Variants in FGD4 observed in about 807,000 individuals in gnomAD.
FGD4 encodes the protein FYVE, RhoGEF and PH domain-containing protein 4.
Under a neutral mutation model 102.0 loss-of-function variants are expected in FGD4, and 42 were observed. The ratio of observed to expected loss-of-function variants is 0.41; its 90% CI spans 0.32 to 0.53. The LOEUF (loss-of-function observed/expected upper bound fraction) is 0.53. Ranked by LOEUF, FGD4 falls within the 20% of genes least tolerant of loss-of-function variation. The pLI is 0.21. For missense variants in FGD4, 902 were observed against 1,078.2 expected (o/e 0.84, Z 2.29); for synonymous variants, 380 against 375.7 (o/e 1.01, Z -0.13).
intron 1 of FGD4, among the ~76,000 whole-genome samples, chr12:32,416,998 G>A (rs1047340689): frequency 5.9e-5 from 9 of 151,816 alleles, no homozygotes; most frequent in African/African-American, 1.9e-4. Flanking sequence ...CTGGGTTCAA[G>A]CAATTCTCCT....
chr12:32,494,644 A>G (rs542643847), intron 1 of FGD4, among the ~76,000 whole-genome samples: 2 of 152,356 alleles, frequency 1.3e-5, no homozygotes, highest in South Asian at 2.1e-4. Context: ...ACAGCAGGAC[A>G]CAGAGTTGCT....
intron 14 of FGD4, among the ~76,000 whole-genome samples, chr12:32,633,221 GA>G (rs1365380986): frequency 5.5e-5 from 6 of 108,118 alleles, no homozygotes; most frequent in South Asian, 3.3e-4. Flanking sequence ...GGGTTGGGAG[GA>G]GGGGGTGGGA....
intron 1 of FGD4, among the ~76,000 whole-genome samples, chr12:32,496,592 T>A (rs1052435480): frequency 6.6e-6 from 1 of 152,260 alleles, no homozygotes; most frequent in Non-Finnish European, 1.5e-5. Context: ...TTGTTTATTA[T>A]TAGCCCTTTT....
At chr12:32,541,492 A>C (rs1415998929) in intron 1 of FGD4, among the ~76,000 whole-genome samples, 21 of 151,994 alleles carry the variant, frequency 1.4e-4, no homozygotes, top group Admixed American at 1.3e-3. Flanking sequence ...CAGCCTCCTG[A>C]GTAGCTGGGA....
At chr12:32,482,978 G>A (rs1943804644) in intron 1 of FGD4, among the ~76,000 whole-genome samples, 1 of 152,162 alleles carries the variant, frequency 6.6e-6, no homozygotes, top group African/African-American at 2.4e-5. Context: ...TTGTTATGAG[G>A]AGAGCACATA....
intron 2 of FGD4, among the ~76,000 whole-genome samples, chr12:32,567,378 C>G (rs139153514): frequency 2.2e-3 from 335 of 152,264 alleles, no homozygotes; most frequent in African/African-American, 7.7e-3. Context: ...GTGAGTAGTT[C>G]TCAAGCGGAG....
intron 1 of FGD4, among the ~76,000 whole-genome samples, chr12:32,499,814 G>A (rs188863171): frequency 2.6e-5 from 4 of 152,204 alleles, no homozygotes; most frequent in East Asian, 3.9e-4. Context: ...TCAGGAGTTC[G>A]AGACCACCTC....
intron 1 of FGD4, among the ~76,000 whole-genome samples, chr12:32,489,173 G>A (rs891335021): frequency 2.6e-5 from 4 of 151,980 alleles, no homozygotes; most frequent in Admixed American, 6.6e-5. Flanking sequence ...TCTTCAGTGC[G>A]TGCCTGTAGT....
intron 10 of FGD4, among the ~76,000 whole-genome samples, chr12:32,612,100 T>C (rs1231830674): frequency 6.6e-6 from 1 of 152,234 alleles, no homozygotes; most frequent in African/African-American, 2.4e-5. Context: ...TTCCAGACTT[T>C]GGTGCCAATG....
chr12:32,418,756 A>G (rs1282165842), intron 1 of FGD4, among the ~76,000 whole-genome samples: 1 of 152,174 alleles, frequency 6.6e-6, no homozygotes, highest in African/African-American at 2.4e-5. Flanking sequence ...CTCTGCAGTC[A>G]GCAGGTGGCA....
intron 1 of FGD4, among the ~76,000 whole-genome samples, chr12:32,400,886 A>ATG (rs10667887): frequency 0.54 from 82,495 of 151,910 alleles, 23,349 homozygotes; most frequent in African/African-American, 0.71. Flanking sequence ...GAGCTTTTAA[A>ATG]TTCCCTTTTA....
chr12:32,529,253 T>A (rs1026111587), intron 1 of FGD4, among the ~76,000 whole-genome samples: 3 of 152,088 alleles, frequency 2.0e-5, no homozygotes, highest in Non-Finnish European at 4.4e-5. Context: ...TAGCTGGTAC[T>A]ACAGGCGTGC....
intron 1 of FGD4, among the ~76,000 whole-genome samples, chr12:32,561,785 G>T (rs1471144350): frequency 3.3e-5 from 5 of 152,152 alleles, no homozygotes; most frequent in African/African-American, 1.2e-4. Context: ...TTTTATACCA[G>T]AAAGTGAACA....
In FGD4 at chr12:32,641,659, T is replaced by G. The variant is rs949338124; in HGVS notation, c.*1126T>G. On this transcript the variant is annotated 3_prime_UTR_variant, in exon 17 of 17. Coordinates refer to ENST00000534526, the MANE Select transcript of FGD4 (RefSeq NM_001370298.3). ...GAACTAGGATATGTGGAAACCACAT[T>G]TATCGTAATGTTTTTCTTTTCCGTA... The G allele has an allele frequency of 1.3e-5, 2 of 152,192 alleles. No individual in the cohort carries two copies. Among genetic ancestry groups the G allele is most frequent in the African/African-American group, 4.8e-5 (2 of 41,468 alleles). The allele number at this position is 152,192 out of a possible 1,614,324, so 9.4% of individuals were successfully genotyped here. A position where few individuals can be genotyped will look rare whatever the true frequency, so the allele number is the denominator to read the frequency against.
rs1555217855 is a variant in FGD4 at position 32,611,128 on chromosome 12, A to G, written c.1603-9A>G. ...GCCTGTATGTGATCTTGCTGTTTTAATTTCCTAGGAGAACCTAAAGAAACT... is the reference window on the plus strand; with the variant it reads ...GCCTGTATGTGATCTTGCTGTTTTAGTTTCCTAGGAGAACCTAAAGAAACT... On this transcript the variant is annotated splice_polypyrimidine_tract_variant and intron_variant, in intron 9 of 16. Transcript: ENST00000534526. 1 of 1,613,922 alleles carries G rather than the reference A, an allele frequency of 6.2e-7. No individual in the cohort carries two copies. The highest frequency in any genetic ancestry group is 1.7e-5 in the Admixed American group (1 of 59,998).
intron 1 of FGD4, among the ~76,000 whole-genome samples, chr12:32,496,752 G>A (rs1937845044): frequency 6.6e-6 from 1 of 152,026 alleles, no homozygotes; most frequent in African/African-American, 2.4e-5. Flanking sequence ...AAAATATCTA[G>A]ATTCCAATTA....
chr12:32,500,427 A>G, intron 1 of FGD4, among the ~76,000 whole-genome samples: 1 of 99,784 alleles, frequency 1.0e-5, no homozygotes, highest in Middle Eastern at 6.9e-3. Flanking sequence ...ATTTTATTTT[A>G]TTTTATTTTA....
intron 1 of FGD4, among the ~76,000 whole-genome samples, chr12:32,445,782 G>C (rs78363465): frequency 0.038 from 5,786 of 152,242 alleles, 169 homozygotes; most frequent in South Asian, 0.12. Context: ...CAAAATAACT[G>C]TAAGGACCTT....
rs1944994802 is a variant in FGD4 at position 32,564,232 on chromosome 12, CAG to C, written c.263_264del (p.Gln88ArgfsTer41). 6.5e-7 allele frequency: 1 copy of C among 1,536,046 alleles called. No individual in the cohort carries two copies. The highest frequency in any genetic ancestry group is 8.7e-7 in the Non-Finnish European group (1 of 1,146,888). Reference sequence around the variant, plus strand: ...TGAGAATGTATCTGAAGAAGAGGCTCAGGGAATAAATGGGAACAGGCCAGCAA... The same window carrying C: ...TGAGAATGTATCTGAAGAAGAGGCTCGGAATAAATGGGAACAGGCCAGCAA... ...VGENVSEEEA[Q>X]GINGNRPAKH... On this transcript the variant is annotated frameshift_variant, in exon 2 of 17. Transcript: ENST00000534526. LOFTEE classifies it high-confidence loss of function.
Sources: allele counts gnomAD v4.1 joint callset (sites outside exome capture counted in the v4.1 genomes callset), GRCh38; gene constraint gnomAD v4.1.1; transcripts MANE v1.5; gene names NCBI Gene and HGNC (gene_info 2026-07-23, HGNC 2026-07-21).